The following ZNF682 variants were observed in gnomAD, a reference collection of about 807,000 sequenced individuals.
The protein encoded by ZNF682 is zinc finger protein 682.
A neutral mutation model predicts 36.5 loss-of-function variants in ZNF682; 29 were observed. The ratio of observed to expected loss-of-function variants is 0.80; its 90% CI spans 0.59 to 1.08. ZNF682 has a LOEUF of 1.08. Among genes scored for constraint, ZNF682 ranks in the 50% least tolerant of loss-of-function variants. The pLI is 0.00. For missense variants in ZNF682, 561 were observed against 579.7 expected (o/e 0.97, Z 0.33); for synonymous variants, 180 against 197.0 (o/e 0.91, Z 0.72).
At chr19:20,010,221 C>T (rs1478944880) in intron 3 of ZNF682, among the ~76,000 whole-genome samples, 3 of 152,170 alleles carry the variant, frequency 2.0e-5, no homozygotes, top group Non-Finnish European at 2.9e-5. Context: ...ATGATACCTA[C>T]TACCACAAAA....
intron 1 of ZNF682, among the ~76,000 whole-genome samples, chr19:20,037,082 A>G (rs1240113612): frequency 6.6e-6 from 1 of 152,214 alleles, no homozygotes; most frequent in Non-Finnish European, 1.5e-5. Flanking sequence ...AAGTGGGGGA[A>G]TGAAGCCCCT....
intron 3 of ZNF682, chr19:20,008,120 T>TA (rs1305655266): frequency 3.3e-5 from 5 of 152,398 alleles, no homozygotes; most frequent in African/African-American, 1.2e-4. Context: ...CACTGCCTGA[T>TA]AATATCAAGC....
chr19:20,001,305 T>C (rs959348569), downstream of ZNF682, among the ~76,000 whole-genome samples: 1 of 152,132 alleles, frequency 6.6e-6, no homozygotes, highest in Admixed American at 6.5e-5. Context: ...AAGCCAACAC[T>C]ATGACTAGGG....
intron 3 of ZNF682, chr19:20,015,304 A>G (rs2088325634): frequency 1.0e-6 from 1 of 985,228 alleles, no homozygotes; most frequent in Non-Finnish European, 1.2e-6. Flanking sequence ...ACCAACAAAA[A>G]TGTAAATATA....
chr19:20,000,491 C>T (rs2088159919), downstream of ZNF682, among the ~76,000 whole-genome samples: 1 of 152,158 alleles, frequency 6.6e-6, no homozygotes, highest in African/African-American at 2.4e-5. Context: ...CTAGACAGCC[C>T]CACACCACCC....
At chr19:20,030,901 G>C (rs2088473947) in intron 1 of ZNF682, 1 of 152,252 alleles carries the variant, frequency 6.6e-6, no homozygotes, top group South Asian at 2.1e-4. Flanking sequence ...CAACCAAAGA[G>C]ATTATTTTTG....
At chr19:20,022,128 C>T (rs888282958) in intron 3 of ZNF682, among the ~76,000 whole-genome samples, 1 of 150,088 alleles carries the variant, frequency 6.7e-6, no homozygotes, top group African/African-American at 2.5e-5. Context: ...CAAGATGGCG[C>T]CCTGCACTCC....
At chr19:20,037,614 G>T (rs541399698) in intron 1 of ZNF682, among the ~76,000 whole-genome samples, 3 of 152,200 alleles carry the variant, frequency 2.0e-5, no homozygotes, top group South Asian at 4.1e-4. Context: ...CCTGCTCACT[G>T]AAGTGGACAA....
downstream of ZNF682, among the ~76,000 whole-genome samples, chr19:20,002,422 G>A (rs1387351457): frequency 2.0e-5 from 3 of 152,086 alleles, no homozygotes; most frequent in South Asian, 2.1e-4. Flanking sequence ...GCTGAAAGAC[G>A]GGCCTCAGGC....
intron 1 of ZNF682, among the ~76,000 whole-genome samples, chr19:20,036,001 GCTGGGATTACAGGTGTGAACCA>G (rs2088525924): frequency 6.6e-6 from 1 of 152,092 alleles, no homozygotes; most frequent in Non-Finnish European, 1.5e-5. Flanking sequence ...CTCCCAAAGT[GCTGGGATTACAGGTGTGAACCA>G]CTGCACCCAG....
At chr19:20,018,014 T>C (rs1380885389) in intron 3 of ZNF682, among the ~76,000 whole-genome samples, 1 of 147,234 alleles carries the variant, frequency 6.8e-6, no homozygotes, top group Non-Finnish European at 1.5e-5. Flanking sequence ...GTAATATCTA[T>C]CAAAATCTCC....
intron 3 of ZNF682, among the ~76,000 whole-genome samples, chr19:20,021,661 C>T (rs1468761328): frequency 1.3e-5 from 2 of 152,072 alleles, no homozygotes; most frequent in Non-Finnish European, 2.9e-5. Context: ...GGTCCCCACA[C>T]GTATATGTGT....
rs2088330986 is a variant in ZNF682 at position 20,015,953 on chromosome 19, C to A, written c.226+7051G>T. The A allele has an allele frequency of 1.0e-5, 4 of 385,814 alleles. No individual in the cohort carries two copies. The Admixed American group carries it at 1.8e-4, about 17-fold the overall frequency. 23.9% of individuals were successfully genotyped at this position (385,814 alleles called of 1,614,324 possible). On this transcript the variant is annotated intron_variant, in intron 3 of 3. Transcript: ENST00000397165. ...ATTAGGAATAAATTATGCTATCATT[C>A]AGATAAACGTTGAGGAATATAGATG... is the stretch of plus-strand genomic sequence containing the variant.
chr19:20,003,151 A>G (rs1266916063), downstream of ZNF682, among the ~76,000 whole-genome samples: 1 of 122,024 alleles, frequency 8.2e-6, no homozygotes, highest in Non-Finnish European at 1.6e-5. Flanking sequence ...AGATCGCACC[A>G]CTGCACTCCA....
chr19:20,013,808 G>A lies in ZNF682; in HGVS notation c.227-6533C>T, dbSNP rs1357195038. 2.6e-5 allele frequency among the ~76,000 whole-genome samples: 4 copies of A among 152,284 alleles called. No individual in the cohort carries two copies. The East Asian group carries it at 5.8e-4, about 22-fold the overall frequency. On this transcript the variant is annotated intron_variant, in intron 3 of 3. Transcript: ENST00000397165. ...TTGGTCAGGCTGGTCTCAAACTCCCGACTTCAGGTGATCCGCCTGCATCGG... is the reference window on the plus strand; with the variant it reads ...TTGGTCAGGCTGGTCTCAAACTCCCAACTTCAGGTGATCCGCCTGCATCGG...
Position 20,006,517 on chromosome 19 carries a change from T to C in ZNF682, c.985A>G (p.Thr329Ala), listed in dbSNP as rs761400783. ...GKAFNHCSLL[T>A]IHERTHTGEK... ...CCCGTATGGGTTCTCTCATGTATAG[T>C]AAGTAGTGAGCAGTGGTTAAAGGCT... Residue 329 changes from threonine to alanine, a missense_variant, in exon 4 of 4, where the codon ACT becomes GCT. By Grantham distance (58) the Thr-to-Ala change is moderately conservative (BLOSUM62 0). Coordinates refer to ENST00000397165, the MANE Select transcript of ZNF682 (RefSeq NM_033196.3). 6 of 1,614,018 alleles carry C rather than the reference T, an allele frequency of 3.7e-6. No homozygotes were observed. The highest frequency in any genetic ancestry group is 1.3e-5 in the African/African-American group (1 of 74,932).
chr19:20,016,987 TAAAGATGAGA>T, intron 3 of ZNF682, among the ~76,000 whole-genome samples: 1 of 152,250 alleles, frequency 6.6e-6, no homozygotes, highest in South Asian at 2.1e-4. Flanking sequence ...TCAACTGAAG[TAAAGATGAGA>T]TTTAAGCATA....
downstream of ZNF682, among the ~76,000 whole-genome samples, chr19:19,995,325 G>A (rs1278708944): frequency 6.6e-6 from 1 of 152,150 alleles, no homozygotes; most frequent in Non-Finnish European, 1.5e-5. Flanking sequence ...GAAACAACCT[G>A]GGCTCCAGAG....
chr19:20,015,029 A>G (rs1350840695), intron 3 of ZNF682: 1 of 212,126 alleles, frequency 4.7e-6, no homozygotes, highest in Non-Finnish European at 8.1e-6. Context: ...GTGGAGATAC[A>G]CTGCACGACA....
Sources: allele counts gnomAD v4.1 joint callset (sites outside exome capture counted in the v4.1 genomes callset), GRCh38; gene constraint gnomAD v4.1.1; transcripts MANE v1.5; gene names NCBI Gene and HGNC (gene_info 2026-07-23, HGNC 2026-07-21).